Variants in SVOPL observed in about 807,000 individuals in gnomAD.
The protein encoded by SVOPL is putative transporter SVOPL.
Under a neutral mutation model 61.0 loss-of-function variants are expected in SVOPL, and 60 were observed. That is an observed-to-expected ratio of 0.98 (90% CI 0.80 to 1.22). The LOEUF (loss-of-function observed/expected upper bound fraction) is 1.22. Ranked by LOEUF, SVOPL falls within the 50% of genes most tolerant of loss-of-function variation. SVOPL has a pLI of 0.00. For missense variants in SVOPL, 662 were observed against 643.9 expected, an observed-to-expected ratio of 1.03 and a Z score of -0.30; for synonymous variants, 279 against 250.0, an observed-to-expected ratio of 1.12 and a Z score of -1.09.
intron 14 of SVOPL, among the ~76,000 whole-genome samples, chr7:138,611,902 C>G (rs1190023060): frequency 7.2e-4 from 22 of 30,484 alleles, no homozygotes; most frequent in Non-Finnish European, 1.1e-3. Flanking sequence ...GTGTGCCCAA[C>G]AGCTCATTGA....
intron 4 of SVOPL, among the ~76,000 whole-genome samples, chr7:138,665,389 A>T (rs918638517): frequency 1.3e-5 from 2 of 151,652 alleles, no homozygotes; most frequent in East Asian, 4.0e-4. Context: ...GCTCAGGGAC[A>T]GGGTCAGAGT....
intron 1 of SVOPL, among the ~76,000 whole-genome samples, chr7:138,685,243 T>G (rs1194308511): frequency 6.6e-6 from 1 of 152,186 alleles, no homozygotes; most frequent in African/African-American, 2.4e-5. Context: ...CAATGGAATA[T>G]TATTCATCTT....
chr7:138,623,456 C>T (rs538178965), intron 13 of SVOPL, among the ~76,000 whole-genome samples: 2 of 151,922 alleles, frequency 1.3e-5, no homozygotes, highest in African/African-American at 4.8e-5. Flanking sequence ...AAAAATTAGC[C>T]GGGCGTGGTG....
At chr7:138,640,209 AT>A (rs536556189) in intron 9 of SVOPL, among the ~76,000 whole-genome samples, 2,401 of 77,700 alleles carry the variant, frequency 0.031, 63 homozygotes, top group African/African-American at 0.1. Context: ...AAAGACAATG[AT>A]TTTTTTTTAA....
At chr7:138,650,292 TGAGGGACAGG>T (rs1410548911) in intron 7 of SVOPL, among the ~76,000 whole-genome samples, 1 of 152,074 alleles carries the variant, frequency 6.6e-6, no homozygotes, top group Non-Finnish European at 1.5e-5. Flanking sequence ...TGATTGGGGA[TGAGGGACAGG>T]GAGGGTCCGG....
chr7:138,637,702 A>G (rs112483635), intron 9 of SVOPL, among the ~76,000 whole-genome samples: 8,909 of 152,234 alleles, frequency 0.059, 301 homozygotes, highest in East Asian at 0.14. Context: ...CTGTAATTCC[A>G]GCACTTTGGG....
At chr7:138,599,204 A>G (rs987408089) in intron 14 of SVOPL, among the ~76,000 whole-genome samples, 5 of 151,944 alleles carry the variant, frequency 3.3e-5, no homozygotes, top group Non-Finnish European at 7.4e-5. Context: ...AATTACAACA[A>G]ACTTTTTAAA....
chr7:138,691,315 C>T (rs1802934293), intron 1 of SVOPL, among the ~76,000 whole-genome samples: 1 of 152,114 alleles, frequency 6.6e-6, no homozygotes, highest in African/African-American at 2.4e-5. Context: ...AAATGCTTAA[C>T]AATGAGTTCA....
intron 8 of SVOPL, 144 bp from the exon 9 acceptor site, chr7:138,644,989 T>C (rs117397504): frequency 0.011 from 11,907 of 1,062,526 alleles, 88 homozygotes; most frequent in Non-Finnish European, 0.014. Context: ...ATGTAGCAGG[T>C]ATTCTGTTGG....
At chr7:138,597,394 C>A in intron 14 of SVOPL, 1 of 341,932 alleles carries the variant, frequency 2.9e-6, no homozygotes. Context: ...GATCCTGACA[C>A]ACAGCCTAGT....
At chr7:138,667,502 G>C (rs957864313) in intron 4 of SVOPL, among the ~76,000 whole-genome samples, 15 of 152,118 alleles carry the variant, frequency 9.9e-5, no homozygotes, top group African/African-American at 3.6e-4. Flanking sequence ...TGAGACATCT[G>C]CATAATTGAT....
At chr7:138,624,020 A>G (rs1337546826) in intron 13 of SVOPL, among the ~76,000 whole-genome samples, 1 of 152,054 alleles carries the variant, frequency 6.6e-6, no homozygotes, top group African/African-American at 2.4e-5. Flanking sequence ...GGGTTTCACC[A>G]TGTTGGCCAG....
chr7:138,669,940 C>T (rs1802374407), intron 4 of SVOPL, among the ~76,000 whole-genome samples: 1 of 152,160 alleles, frequency 6.6e-6, no homozygotes, highest in African/African-American at 2.4e-5. Context: ...AAACCAGCTT[C>T]AATACCCAAG....
At chr7:138,672,665 A>AAAAAG (rs1563133286) in intron 3 of SVOPL, among the ~76,000 whole-genome samples, 1 of 150,454 alleles carries the variant, frequency 6.6e-6, no homozygotes, top group African/African-American at 2.5e-5. Flanking sequence ...TTAAAAAAAA[A>AAAAAG]AAAAAAAAAA....
chr7:138,681,242 T>C (rs958794839), intron 1 of SVOPL, among the ~76,000 whole-genome samples: 2 of 148,066 alleles, frequency 1.4e-5, no homozygotes, highest in African/African-American at 2.5e-5. Context: ...ATAACATATA[T>C]AATAAATATA....
At chr7:138,645,183 C>T (rs1801034714) in intron 8 of SVOPL, among the ~76,000 whole-genome samples, 1 of 152,218 alleles carries the variant, frequency 6.6e-6, no homozygotes, top group African/African-American at 2.4e-5. Context: ...CCCCCTCCCC[C>T]TCTCCAGGAA....
chr7:138,621,648 T>A (rs535969251), intron 13 of SVOPL, among the ~76,000 whole-genome samples: 2 of 152,300 alleles, frequency 1.3e-5, no homozygotes, highest in South Asian at 4.1e-4. Context: ...GTCTTGAACA[T>A]CTGGCCTCAA....
At chr7:138,622,122 GTATCTATCTATC>G (rs1255678984) in intron 13 of SVOPL, among the ~76,000 whole-genome samples, 1 of 26,456 alleles carries the variant, frequency 3.8e-5, no homozygotes. Flanking sequence ...ATCTATCTAT[GTATCTATCTATC>G]TATGTATCTA....
intron 8 of SVOPL, among the ~76,000 whole-genome samples, chr7:138,648,624 C>T (rs1228913011): frequency 1.3e-5 from 2 of 151,156 alleles, no homozygotes; most frequent in African/African-American, 2.4e-5. Context: ...AGGAGAATGG[C>T]GTGAACCCGG....
Sources: gnomAD v4.1 joint callset for allele counts (sites outside exome capture counted in the v4.1 genomes callset) on GRCh38, gnomAD v4.1.1 for gene constraint, MANE v1.5 for transcripts, NCBI Gene and HGNC (gene_info 2026-07-23, HGNC 2026-07-21) for gene names.